LEPR: variants seen among roughly 807,000 people sequenced by gnomAD.
The protein encoded by LEPR is OB receptor.
Under a neutral mutation model 114.7 loss-of-function variants are expected in LEPR, and 56 were observed. The observed-to-expected ratio is 0.49, with a 90% CI of 0.39 to 0.61. The LOEUF (loss-of-function observed/expected upper bound fraction) is 0.61. Among genes scored for constraint, LEPR ranks in the 20% least tolerant of loss-of-function variants. The probability of loss-of-function intolerance (pLI) is 0.00; values close to 1 mark genes in which losing one functional copy is unlikely to be tolerated. For synonymous variants in LEPR, 443 were observed against 461.4 expected (o/e 0.96, Z 0.51); for missense variants, 1,202 against 1,352.9 (o/e 0.89, Z 1.75).
chr1:65,529,539 G>T (rs1379153075), intron 2 of LEPR, among the ~76,000 whole-genome samples: 4 of 113,730 alleles, frequency 3.5e-5, no homozygotes, highest in Admixed American at 1.7e-4. Flanking sequence ...AAGAAAGGAA[G>T]GAAGGGAGGA....
Position 65,452,187 on chromosome 1 carries a change from A to C in LEPR, c.-21+26809A>C, listed in dbSNP as rs563813047. ...TTTAAGGAGATTTTGGGCTGAGACA[A>C]TGGGGTTTTCTAGATATACAATCCT... On this transcript the variant is annotated intron_variant, in intron 2 of 19. Transcript: ENST00000349533. 5.9e-5 allele frequency among the ~76,000 whole-genome samples: 9 copies of C among 152,290 alleles called. No homozygotes were observed. In the South Asian group the frequency reaches 1.7e-3, roughly 28 times the overall value.
intron 2 of LEPR, among the ~76,000 whole-genome samples, chr1:65,529,801 C>A (rs771490807): frequency 2.0e-5 from 3 of 152,108 alleles, no homozygotes; most frequent in African/African-American, 4.8e-5. Context: ...TGAAACAGTC[C>A]CTTACTGACT....
chr1:65,584,476 A>T (rs1655191964), intron 5 of LEPR, among the ~76,000 whole-genome samples: 1 of 152,140 alleles, frequency 6.6e-6, no homozygotes, highest in Non-Finnish European at 1.5e-5. Flanking sequence ...ATTCTAGGCC[A>T]AAACTGCACA....
chr1:65,451,758 C>T (rs1379089148), intron 2 of LEPR, among the ~76,000 whole-genome samples: 19 of 151,664 alleles, frequency 1.3e-4, no homozygotes, highest in African/African-American at 2.7e-4. Flanking sequence ...CTTGGTGATG[C>T]GGGCTCTTTT....
At chr1:65,529,052 A>T (rs888008863) in intron 2 of LEPR, among the ~76,000 whole-genome samples, 14 of 151,078 alleles carry the variant, frequency 9.3e-5, no homozygotes, top group Admixed American at 6.6e-5. Context: ...TGACCTCATG[A>T]TCTGCCCACT....
At chr1:65,430,073 G>A in intron 2 of LEPR, 1 of 1,531,344 alleles carries the variant, frequency 6.5e-7, no homozygotes. Flanking sequence ...CTATTGTTTT[G>A]CCCAACCGTT....
chr1:65,621,505 G>A (rs1022097197), intron 18 of LEPR, 47 bp downstream of exon 18: 23 of 1,494,010 alleles, frequency 1.5e-5, no homozygotes, highest in East Asian at 6.8e-5. Flanking sequence ...GTCCTTACGC[G>A]TATTCAAACC....
At chr1:65,571,655 A>T (rs1209673264) in intron 4 of LEPR, among the ~76,000 whole-genome samples, 1 of 74,428 alleles carries the variant, frequency 1.3e-5, no homozygotes, top group Non-Finnish European at 2.9e-5. Flanking sequence ...GTCTAATGTT[A>T]AAAAAAAAAA....
chr1:65,494,980 C>T (rs1199005003), intron 2 of LEPR, among the ~76,000 whole-genome samples: 1 of 151,858 alleles, frequency 6.6e-6, no homozygotes, highest in Non-Finnish European at 1.5e-5. Flanking sequence ...AAGGGAAATG[C>T]TTTAGGATGT....
At chr1:65,588,125 T>C (rs3828035) in intron 5 of LEPR, among the ~76,000 whole-genome samples, 38,986 of 151,746 alleles carry the variant, frequency 0.26, 6,154 homozygotes, top group East Asian at 0.81. Flanking sequence ...TACTCCACAC[T>C]CTTCTCCCCA....
chr1:65,551,844 G>C (rs1473737414), intron 2 of LEPR, among the ~76,000 whole-genome samples: 1 of 152,134 alleles, frequency 6.6e-6, no homozygotes, highest in Non-Finnish European at 1.5e-5. Context: ...TGGGCATTTA[G>C]TGCTATAAAT....
At position 65,641,441 on chromosome 1, in the gene LEPR, TCTC is replaced by T. The variant is rs1181759814; in HGVS notation, c.*4429_*4431del. On this transcript the variant is annotated 3_prime_UTR_variant, in exon 20 of 20. Transcript: ENST00000349533. ...AACTGTTCTATGAAATTTGTCTACT[TCTC>T]CTTTATGTTCCCAAAGTCACAGAGA... 6.6e-6 allele frequency: 1 copy of T among 152,236 alleles called. No homozygotes were observed. Among genetic ancestry groups the T allele is most frequent in the Non-Finnish European group, 1.5e-5 (1 of 68,034 alleles). 9.4% of individuals were successfully genotyped at this position (152,236 alleles called of 1,614,324 possible).
In LEPR at chr1:65,634,491, A is replaced by G. The variant is rs1053602340; in HGVS notation, c.2674-1700A>G. 6.4e-6 allele frequency: 6 copies of G among 942,568 alleles called. No individual in the cohort carries two copies. The African/African-American group carries it at 1.1e-4, about 17-fold the overall frequency. The allele number at this position is 942,568 out of a possible 1,614,324, so 58.4% of individuals were successfully genotyped here. On this transcript the variant is annotated intron_variant, in intron 19 of 19. Transcript: ENST00000349533. The stretch of plus-strand genomic sequence containing the variant: ...AATTTTTTAAATGGATATACTTTTA[A>G]TAAAGTTTTATAACTCACTGACAAA...
chr1:65,510,983 A>C (rs1001180396), intron 2 of LEPR, among the ~76,000 whole-genome samples: 1 of 152,166 alleles, frequency 6.6e-6, no homozygotes, highest in Non-Finnish European at 1.5e-5. Context: ...ACTGCACCCC[A>C]CCCTGGGTGA....
At chr1:65,472,905 C>T (rs545961570) in intron 2 of LEPR, among the ~76,000 whole-genome samples, 1 of 152,272 alleles carries the variant, frequency 6.6e-6, no homozygotes, top group East Asian at 1.9e-4. Flanking sequence ...TAAAAGGGAC[C>T]TCAGATAGCA....
At chr1:65,427,617 C>T (rs1646404932) in intron 2 of LEPR, among the ~76,000 whole-genome samples, 1 of 152,160 alleles carries the variant, frequency 6.6e-6, no homozygotes, top group African/African-American at 2.4e-5. Context: ...AGCTCATGTT[C>T]TGACGCCCTT....
At chr1:65,592,271 T>G (rs1250951859) in intron 5 of LEPR, among the ~76,000 whole-genome samples, 4 of 141,918 alleles carry the variant, frequency 2.8e-5, no homozygotes, top group Non-Finnish European at 4.6e-5. Flanking sequence ...TTTTTTTGCC[T>G]GATGGATTGC....
intron 2 of LEPR, among the ~76,000 whole-genome samples, chr1:65,450,551 T>G (rs1646770615): frequency 1.4e-5 from 2 of 142,176 alleles, no homozygotes; most frequent in African/African-American, 5.3e-5. Context: ...CTTGCGATAG[T>G]TTACTGAGAA....
intron 2 of LEPR, chr1:65,430,137 T>G (rs1002198695): frequency 1.6e-5 from 19 of 1,169,352 alleles, no homozygotes; most frequent in Admixed American, 7.1e-5. Context: ...TGCTCATTAC[T>G]TAGGCTTTAT....
Sources: gnomAD v4.1 joint callset for allele counts (sites outside exome capture counted in the v4.1 genomes callset) on GRCh38, gnomAD v4.1.1 for gene constraint, MANE v1.5 for transcripts, NCBI Gene and HGNC (gene_info 2026-07-23, HGNC 2026-07-21) for gene names.